CAMK2D: variants seen among roughly 807,000 people sequenced by gnomAD.
The protein encoded by CAMK2D is calcium/calmodulin-dependent protein kinase type II subunit delta.
In CAMK2D, 37 loss-of-function variants were observed where a neutral mutation model predicts 84.0. That is an observed-to-expected ratio of 0.44 (90% confidence interval 0.34 to 0.58). CAMK2D has a LOEUF of 0.58. Among genes scored for constraint, CAMK2D ranks in the 20% least tolerant of loss-of-function variants. The pLI is 0.02. For missense variants in CAMK2D, 448 were observed against 652.5 expected (o/e 0.69, Z 3.41); for synonymous variants, 202 against 212.5 (o/e 0.95, Z 0.43).
At chr4:113,580,619 A>T (rs1359629543) in intron 4 of CAMK2D, among the ~76,000 whole-genome samples, 1 of 152,184 alleles carries the variant, frequency 6.6e-6, no homozygotes, top group Admixed American at 6.5e-5. Context: ...ACTCAGAAGT[A>T]GGTCTGTTTG....
intron 16 of CAMK2D, 65 bp downstream of exon 16, chr4:113,500,398 C>CTT: frequency 5.3e-6 from 5 of 949,120 alleles, no homozygotes; most frequent in East Asian, 2.6e-5. Flanking sequence ...ATTTGAAGCA[C>CTT]TTTTTTTTTC....
chr4:113,724,310 T>C (rs890240147), intron 2 of CAMK2D, among the ~76,000 whole-genome samples: 2 of 152,040 alleles, frequency 1.3e-5, no homozygotes, highest in African/African-American at 4.8e-5. Context: ...CTCGGCATAT[T>C]GTTTTACTAG....
chr4:113,716,359 A>T lies in CAMK2D; in HGVS notation c.160+42961T>A, dbSNP rs549527666. On this transcript the variant is annotated intron_variant, in intron 2 of 20. Coordinates refer to ENST00000511664, the MANE Select transcript of CAMK2D (RefSeq NM_001321571.2). The stretch of plus-strand genomic sequence containing the variant: ...TCAGTTGATGAATCTTGAACAAATC[A>T]CAAGCTTGGGCTGGGCATGGTGGCT... Among the ~76,000 whole-genome samples the T allele has an allele frequency of 1.4e-4, 22 of 152,250 alleles. No homozygotes were observed. In the South Asian group the frequency reaches 3.9e-3, roughly 27 times the overall value.
Position 113,496,274 on chromosome 4 carries a change from A to G in CAMK2D, c.1135+4189T>C, listed in dbSNP as rs1235049711. 2.0e-5 allele frequency among the ~76,000 whole-genome samples: 3 copies of G among 152,298 alleles called. No homozygotes were observed. In the East Asian group the frequency reaches 5.8e-4, roughly 29 times the overall value. On this transcript the variant is annotated intron_variant, in intron 16 of 20. Coordinates refer to ENST00000511664, the MANE Select transcript of CAMK2D (RefSeq NM_001321571.2). ...TCAATGGAAGTAGCTGTTTTACTGG[A>G]AATTGATTAAAAATGGAAATGACTA...
At chr4:113,750,659 C>T (rs925751678) in intron 2 of CAMK2D, among the ~76,000 whole-genome samples, 2 of 152,068 alleles carry the variant, frequency 1.3e-5, no homozygotes, top group African/African-American at 2.4e-5. Context: ...GCTGAATAAA[C>T]GAATAAAAAA....
In CAMK2D at chr4:113,457,505, C is replaced by A; in HGVS notation, c.1365G>T (p.Leu455=). Residue 455 remains leucine, a synonymous_variant, in exon 19 of 21, where the codon CTG becomes CTT. Transcript: ENST00000511664. The part of the protein sequence containing the change: ...HTIILNPHVH[L]VGDDAACIAY... ...CTATGCAGGCGGCATCATCCCCTAC[C>A]AGATGTACATGAGGGTTTAGAATAA... 1 of 1,613,418 alleles carries A rather than the reference C, an allele frequency of 6.2e-7. No individual in the cohort carries two copies. Among genetic ancestry groups the A allele is most frequent in the Non-Finnish European group, 8.5e-7 (1 of 1,179,424 alleles).
Position 113,514,931 on chromosome 4 carries a change from T to TAAAC in CAMK2D, c.819+134_819+137dup, listed in dbSNP as rs2098265488. The TAAAC allele has an allele frequency of 3.7e-6, 3 of 808,860 alleles. No homozygotes were observed. In the African/African-American group the frequency reaches 5.2e-5, roughly 14 times the overall value. The allele number at this position is 808,860 out of a possible 1,614,324, so 50.1% of individuals were successfully genotyped here. A position where few individuals can be genotyped will look rare whatever the true frequency, so the allele number is the denominator to read the frequency against. Reference sequence around the variant, plus strand: ...TTCACCATCATAAAATTAATTTTCTTAAACACCTCGAGTCAAAAATTCATT... The same window carrying TAAAC: ...TTCACCATCATAAAATTAATTTTCTTAAACAAACACCTCGAGTCAAAAATTCATT... On this transcript the variant is annotated intron_variant, in intron 10 of 20. Coordinates refer to ENST00000511664, the MANE Select transcript of CAMK2D (RefSeq NM_001321571.2).
intron 4 of CAMK2D, among the ~76,000 whole-genome samples, chr4:113,602,403 G>A (rs562390969): frequency 6.6e-6 from 1 of 152,268 alleles, no homozygotes; most frequent in East Asian, 1.9e-4. Flanking sequence ...TTGTGAAGAA[G>A]CAGATACAGA....
At chr4:113,618,376 G>A (rs532057816) in intron 3 of CAMK2D, among the ~76,000 whole-genome samples, 2 of 152,236 alleles carry the variant, frequency 1.3e-5, no homozygotes, top group South Asian at 4.1e-4. Flanking sequence ...ATAGTAAATG[G>A]AAAATCTTAT....
chr4:113,748,119 C>A (rs1217062337), intron 2 of CAMK2D, among the ~76,000 whole-genome samples: 1 of 152,030 alleles, frequency 6.6e-6, no homozygotes, highest in African/African-American at 2.4e-5. Context: ...TCTCATCAAC[C>A]CAACAGTTAT....
chr4:113,522,523 G>A (rs912630070), intron 8 of CAMK2D, among the ~76,000 whole-genome samples: 1 of 152,160 alleles, frequency 6.6e-6, no homozygotes, highest in Non-Finnish European at 1.5e-5. Context: ...AGATAGGAAG[G>A]CATGTTTCAG....
intron 4 of CAMK2D, among the ~76,000 whole-genome samples, chr4:113,587,253 AAGG>A (rs894884854): frequency 6.6e-6 from 1 of 152,192 alleles, no homozygotes; most frequent in African/African-American, 2.4e-5. Flanking sequence ...TCAGTTTGAG[AAGG>A]AGGAGTTCAT....
intron 4 of CAMK2D, among the ~76,000 whole-genome samples, chr4:113,595,488 G>A (rs1475072278): frequency 6.6e-6 from 1 of 151,328 alleles, no homozygotes; most frequent in Non-Finnish European, 1.5e-5. Flanking sequence ...TTATGTATAA[G>A]TGAAATAAAT....
intron 8 of CAMK2D, among the ~76,000 whole-genome samples, chr4:113,524,832 C>T (rs72905985): frequency 0.022 from 3,325 of 152,250 alleles, 105 homozygotes; most frequent in African/African-American, 0.068. Context: ...AAATTTAAGA[C>T]AGTGTGTAAG....
Position 113,635,825 on chromosome 4 carries a change from C to T in CAMK2D, c.220+25888G>A, listed in dbSNP as rs367586423. Among the ~76,000 whole-genome samples the T allele has an allele frequency of 4.6e-5, 7 of 152,066 alleles. No individual in the cohort carries two copies. In the South Asian group the frequency reaches 8.3e-4, roughly 18 times the overall value. ...GTTTATCTGTAAAGGTTGAGAATGA[C>T]CAATGTAGAAAGGATATGTTTTAGC... On this transcript the variant is annotated intron_variant, in intron 3 of 20. Transcript: ENST00000511664.
At chr4:113,613,724 A>T (rs1451488401) in intron 3 of CAMK2D, among the ~76,000 whole-genome samples, 1 of 152,162 alleles carries the variant, frequency 6.6e-6, no homozygotes, top group Non-Finnish European at 1.5e-5. Flanking sequence ...ATCTGATAGA[A>T]CATTTAATGT....
intron 2 of CAMK2D, among the ~76,000 whole-genome samples, chr4:113,689,041 G>C (rs6853541): frequency 0.048 from 7,231 of 151,202 alleles, 262 homozygotes; most frequent in African/African-American, 0.096. Context: ...TCAAGAGATC[G>C]AGACCATCCT....
chr4:113,471,660 C>T lies in CAMK2D; in HGVS notation c.1136-6056G>A, dbSNP rs141968177. 2.0e-3 allele frequency among the ~76,000 whole-genome samples: 309 copies of T among 152,272 alleles called. 3 individuals carry two copies. Among genetic ancestry groups the T allele is most frequent in the African/African-American group, 7.1e-3 (294 of 41,550 alleles). ...TCAGAGCCATTTCTTCCTCTCTAGG[C>T]TCACTGCCACTACTCTGATTCAGGC... is the stretch of plus-strand genomic sequence containing the variant. On this transcript the variant is annotated intron_variant, in intron 16 of 20. Transcript: ENST00000511664.
At position 113,648,824 on chromosome 4, in the gene CAMK2D, C is replaced by CA. The variant is rs1310361818; in HGVS notation, c.220+12888dup. Among the ~76,000 whole-genome samples, 7 of 152,184 alleles carry CA rather than the reference C, an allele frequency of 4.6e-5. No individual in the cohort carries two copies. In the South Asian group the frequency reaches 1.0e-3, roughly 23 times the overall value. Reference sequence around the variant, plus strand: ...ATGGTAAGAAGCTTATATCTTCTGCCAAAAAGTGAAAGATCAGGGGTTTGG... The same window carrying CA: ...ATGGTAAGAAGCTTATATCTTCTGCCAAAAAAGTGAAAGATCAGGGGTTTGG... On this transcript the variant is annotated intron_variant, in intron 3 of 20. Transcript: ENST00000511664.
Sources: allele counts gnomAD v4.1 joint callset (sites outside exome capture counted in the v4.1 genomes callset), GRCh38; gene constraint gnomAD v4.1.1; transcripts MANE v1.5; gene names NCBI Gene and HGNC (gene_info 2026-07-23, HGNC 2026-07-21).